The following BAZ1A variants were observed in gnomAD, a reference collection of about 807,000 sequenced individuals.
BAZ1A encodes bromodomain adjacent to zinc finger domain 1A, also known as bromodomain adjacent to zinc finger domain protein 1A.
A neutral mutation model predicts 185.2 loss-of-function variants in BAZ1A; 50 were observed. The ratio of observed to expected loss-of-function variants is 0.27; its 90% confidence interval spans 0.22 to 0.34. The LOEUF is 0.34. Ranked by LOEUF, BAZ1A falls within the 10% of genes least tolerant of loss-of-function variation. The pLI, the probability that BAZ1A is intolerant of heterozygous loss-of-function variation, is 1.00. For missense variants in BAZ1A, 1,356 were observed against 1,839.9 expected, an observed-to-expected ratio of 0.74 and a Z score of 4.81; for synonymous variants, 571 against 615.6, an observed-to-expected ratio of 0.93 and a Z score of 1.07.
chr14:34,762,217 G>A lies in BAZ1A; in HGVS notation c.3783C>T (p.Pro1261=). 6.2e-7 allele frequency: 1 copy of A among 1,613,544 alleles called. No homozygotes were observed. The highest frequency in any genetic ancestry group is 8.5e-7 in the Non-Finnish European group (1 of 1,179,788). ...DSQEEEEVSL[P]KRGRPQVRLP... is the part of the protein sequence containing the mutation. ...ATCTAACTTGTGGTCTTCCTCGTTT[G>A]GGTAGGCTATAAATATTGTTAGAAA... Residue 1261 remains proline (P), a synonymous_variant, in exon 24 of 27, where the codon CCC becomes CCT. Coordinates refer to ENST00000360310, the MANE Select transcript of BAZ1A (RefSeq NM_013448.3).
intron 3 of BAZ1A, among the ~76,000 whole-genome samples, chr14:34,840,195 T>C (rs1024556881): frequency 3.9e-5 from 6 of 152,192 alleles, no homozygotes; most frequent in Non-Finnish European, 7.3e-5. Context: ...GTCCTGCCTA[T>C]ACTTATTAGA....
At chr14:34,786,326 G>A (rs992329377) in intron 12 of BAZ1A, 105 bp from the exon 13 acceptor site, 31 of 1,017,202 alleles carry the variant, frequency 3.0e-5, no homozygotes, top group African/African-American at 2.8e-4. Flanking sequence ...CTTAACATTC[G>A]GAACCTCAAA....
chr14:34,786,368 A>T (rs1211014640), intron 12 of BAZ1A, 147 bp from the exon 13 acceptor site: 1 of 640,214 alleles, frequency 1.6e-6, no homozygotes, highest in Non-Finnish European at 2.6e-6. Flanking sequence ...CAATATTCAC[A>T]TTCTGCTTCA....
chr14:34,818,483 T>G (rs1010166792), intron 4 of BAZ1A, among the ~76,000 whole-genome samples: 4 of 152,184 alleles, frequency 2.6e-5, no homozygotes, highest in African/African-American at 9.7e-5. Context: ...ATTTTTTAAA[T>G]TACTAAACTT....
rs1230356606 is a variant in BAZ1A at position 34,780,223 on chromosome 14, A to G, written c.2199T>C (p.Asp733=). The change falls in exon 17 of 27, where the codon GAT becomes GAC. Residue 733 remains aspartate (D), a synonymous_variant. Transcript: ENST00000360310. ...TTTTATGTGATCCTGGGTCATCTTCATCTTCAGTGACCATATCTTGATCTA... is the reference window on the plus strand; with the variant it reads ...TTTTATGTGATCCTGGGTCATCTTCGTCTTCAGTGACCATATCTTGATCTA... ...KELDQDMVTE[D]EDDPGSHKRG... The G allele has an allele frequency of 6.2e-7, 1 of 1,613,676 alleles. No individual in the cohort carries two copies. The highest frequency in any genetic ancestry group is 8.5e-7 in the Non-Finnish European group (1 of 1,179,830).
At position 34,832,215 on chromosome 14, in the gene BAZ1A, C is replaced by CACACATATATATATATATATATATATAT; in HGVS notation, c.393-6060_393-6059insATATATATATATATATATATATATGTGT. 2.6e-3 allele frequency among the ~76,000 whole-genome samples: 236 copies of CACACATATATATATATATATATATATAT among 89,426 alleles called. 3 individuals are homozygous for CACACATATATATATATATATATATATAT. The highest frequency in any genetic ancestry group is 5.7e-3 in the Middle Eastern group (1 of 174). 58.7% of individuals were successfully genotyped at this position (89,426 alleles called of 152,430 possible). A position where few individuals can be genotyped will look rare whatever the true frequency, so the allele number is the denominator to read the frequency against. ...ATACACACACACACACACACACACA[C>CACACATATATATATATATATATATATAT]ATATATATATATATATGTATGTATG... On this transcript the variant is annotated intron_variant, in intron 3 of 26. Coordinates refer to ENST00000360310, the MANE Select transcript of BAZ1A (RefSeq NM_013448.3).
intron 23 of BAZ1A, 89 bp from the exon 24 acceptor site, chr14:34,762,312 G>A: frequency 7.9e-7 from 1 of 1,261,016 alleles, no homozygotes; most frequent in Non-Finnish European, 1.1e-6. Flanking sequence ...TTTAGCCAAT[G>A]AGTTTATACA....
intron 24 of BAZ1A, 76 bp downstream of exon 24, chr14:34,761,681 C>T (rs1242891531): frequency 3.8e-6 from 5 of 1,306,678 alleles, no homozygotes; most frequent in Non-Finnish European, 5.3e-6. Flanking sequence ...AAAAAATGAT[C>T]CAAAGTATCT....
rs748187182 is a variant in BAZ1A, at chr14:34,758,844, G to A, written c.4246C>T (p.Pro1416Ser). The A allele has an allele frequency of 3.7e-6, 6 of 1,612,498 alleles. No homozygotes were observed. The highest frequency in any genetic ancestry group is 4.5e-5 in the East Asian group (2 of 44,880). Residue 1416 changes from proline (P) to serine (S), a missense_variant and splice_region_variant, in exon 25 of 27, where the codon CCA (proline) becomes TCA (serine). Coordinates refer to ENST00000360310, the MANE Select transcript of BAZ1A (RefSeq NM_013448.3). ...RRCRKRQSPE[P>S]SPVTLGRRSS... is the part of the protein sequence containing the mutation. ...CTTCGACCCAGTGTCACAGGCGATG[G>A]CTCTGAGTAAATAATTACAACATTT...
At chr14:34,825,075 C>T (rs34836642) in intron 4 of BAZ1A, among the ~76,000 whole-genome samples, 2 of 152,168 alleles carry the variant, frequency 1.3e-5, no homozygotes, top group African/African-American at 4.8e-5. Context: ...CATCAATTGT[C>T]TGAATTTTAG....
chr14:34,805,491 G>C (rs1478825163), intron 6 of BAZ1A, among the ~76,000 whole-genome samples: 4 of 152,102 alleles, frequency 2.6e-5, no homozygotes, highest in African/African-American at 9.7e-5. Flanking sequence ...GGCCAACTGG[G>C]TGTTTACAAT....
At chr14:34,758,115 C>CAAAA (rs1192197844) in intron 25 of BAZ1A, among the ~76,000 whole-genome samples, 1 of 62,392 alleles carries the variant, frequency 1.6e-5, no homozygotes, top group Non-Finnish European at 3.8e-5. Context: ...GACCCTGTCT[C>CAAAA]AAAAAAAAAA....
chr14:34,852,562 G>C (rs927920491), intron 3 of BAZ1A, among the ~76,000 whole-genome samples: 1 of 151,526 alleles, frequency 6.6e-6, no homozygotes, highest in African/African-American at 2.4e-5. Flanking sequence ...GAAGTCGCAG[G>C]GAGCCAAGAT....
chr14:34,810,234 C>T (rs955735446), intron 5 of BAZ1A, among the ~76,000 whole-genome samples: 1 of 152,146 alleles, frequency 6.6e-6, no homozygotes, highest in Non-Finnish European at 1.5e-5. Context: ...TATCATCTTG[C>T]TTTCAGATGA....
chr14:34,856,631 G>A (rs980123687), intron 3 of BAZ1A, among the ~76,000 whole-genome samples: 2 of 151,966 alleles, frequency 1.3e-5, no homozygotes, highest in Admixed American at 6.6e-5. Flanking sequence ...GCTGAGATGG[G>A]TGGATCACCT....
At chr14:34,836,154 C>T (rs1594888975) in intron 3 of BAZ1A, among the ~76,000 whole-genome samples, 1 of 88,306 alleles carries the variant, frequency 1.1e-5, no homozygotes, top group Admixed American at 1.2e-4. Context: ...CCGAGGCGGG[C>T]GGATCACGAG....
At chr14:34,780,465 A>G (rs1879964784) in intron 16 of BAZ1A, among the ~76,000 whole-genome samples, 155 bp from the exon 17 acceptor site, 1 of 152,242 alleles carries the variant, frequency 6.6e-6, no homozygotes, top group African/African-American at 2.4e-5. Context: ...ACAGATAATT[A>G]CACAAATCAT....
chr14:34,844,758 AAC>A lies in BAZ1A; in HGVS notation c.392+17284_392+17285del, dbSNP rs201763795. On this transcript the variant is annotated intron_variant, in intron 3 of 26. Transcript: ENST00000360310. The stretch of plus-strand genomic sequence containing the variant: ...GGGCAACAGAGTGTGACCCTGTCTA[AAC>A]ACACACACACACACGCGCACACACA... 6.2e-3 allele frequency among the ~76,000 whole-genome samples: 817 copies of A among 130,774 alleles called. 9 individuals carry two copies. Among genetic ancestry groups the A allele is most frequent in the East Asian group, 0.031 (139 of 4,456 alleles). The allele number at this position is 130,774 out of a possible 152,430, so 85.8% of individuals were successfully genotyped here.
Position 34,836,654 on chromosome 14 carries a change from T to C in BAZ1A, c.393-10498A>G, listed in dbSNP as rs75956039. Among the ~76,000 whole-genome samples, 2 of 152,140 alleles carry C rather than the reference T, an allele frequency of 1.3e-5. 1 individual carries two copies. The highest frequency in any genetic ancestry group is 4.8e-5 in the African/African-American group (2 of 41,378). ...TTTTCTAGTAATACAATTGCAAGAATATTTATAAAAAATACTATGCTTGGA... is the reference window on the plus strand; with the variant it reads ...TTTTCTAGTAATACAATTGCAAGAACATTTATAAAAAATACTATGCTTGGA... On this transcript the variant is annotated intron_variant, in intron 3 of 26. Transcript: ENST00000360310.
Sources: allele counts gnomAD v4.1 joint callset (sites outside exome capture counted in the v4.1 genomes callset), GRCh38; gene constraint gnomAD v4.1.1; transcripts MANE v1.5; gene names NCBI Gene and HGNC (gene_info 2026-07-23, HGNC 2026-07-21).